The following ZNF280D variants were observed in gnomAD, a reference collection of about 807,000 sequenced individuals.
ZNF280D encodes the protein zinc finger protein 280D, also known as suppressor of hairy wing homolog 4.
In ZNF280D, 39 loss-of-function variants were observed where a neutral mutation model predicts 94.7. The observed-to-expected ratio is 0.41, with a 90% CI of 0.32 to 0.54. The LOEUF (loss-of-function observed/expected upper bound fraction) is 0.54. Ranked by LOEUF, ZNF280D falls within the 20% of genes least tolerant of loss-of-function variation. The pLI is 0.22. For synonymous variants in ZNF280D, 398 were observed against 377.6 expected (o/e 1.05, Z -0.63); for missense variants, 1,090 against 1,149.3 (o/e 0.95, Z 0.75).
intron 19 of ZNF280D, chr15:56,653,167 G>A: frequency 2.0e-6 from 2 of 1,022,262 alleles, no homozygotes; most frequent in Non-Finnish European, 2.3e-6. Context: ...AAGTAGCCAT[G>A]GTTTCCTAAC....
intron 19 of ZNF280D, among the ~76,000 whole-genome samples, chr15:56,648,128 TG>T (rs2140617350): frequency 6.6e-6 from 1 of 152,220 alleles, no homozygotes; most frequent in African/African-American, 2.4e-5. Context: ...TCCTCTCCTG[TG>T]AACCAGGCTC....
chr15:56,723,275 G>C (rs2058468559), intron 1 of ZNF280D, among the ~76,000 whole-genome samples: 1 of 151,964 alleles, frequency 6.6e-6, no homozygotes, highest in Non-Finnish European at 1.5e-5. Context: ...AAAATGTGGT[G>C]TATCAATACA....
intron 1 of ZNF280D, among the ~76,000 whole-genome samples, chr15:56,713,858 G>C (rs1234351887): frequency 2.0e-5 from 3 of 152,078 alleles, no homozygotes; most frequent in African/African-American, 2.4e-5. Flanking sequence ...GGAAATTACT[G>C]TAACAGGATT....
intron 13 of ZNF280D, among the ~76,000 whole-genome samples, chr15:56,670,917 A>G (rs141632235): frequency 6.6e-6 from 1 of 152,094 alleles, no homozygotes; most frequent in African/African-American, 2.4e-5. Flanking sequence ...TTTGATTTGC[A>G]TTCCCTAATG....
chr15:56,651,060 A>C (rs2053176200), intron 19 of ZNF280D, among the ~76,000 whole-genome samples: 1 of 152,206 alleles, frequency 6.6e-6, no homozygotes, highest in Non-Finnish European at 1.5e-5. Context: ...ATATAATGTA[A>C]GTTCCATAAG....
intron 1 of ZNF280D, among the ~76,000 whole-genome samples, chr15:56,726,668 C>G (rs2058644786): frequency 6.6e-6 from 1 of 152,138 alleles, no homozygotes; most frequent in Non-Finnish European, 1.5e-5. Context: ...AAGAATAATA[C>G]AACAGTGAAA....
intron 1 of ZNF280D, among the ~76,000 whole-genome samples, chr15:56,715,863 C>G (rs1035803546): frequency 1.3e-5 from 2 of 152,104 alleles, no homozygotes; most frequent in East Asian, 1.9e-4. Context: ...TTCAACCAAC[C>G]ATGGACTGAA....
At chr15:56,713,324 A>G (rs1300195009) in intron 1 of ZNF280D, among the ~76,000 whole-genome samples, 1 of 152,216 alleles carries the variant, frequency 6.6e-6, no homozygotes, top group African/African-American at 2.4e-5. Context: ...TTAGCTCAAG[A>G]TAATGTTCTA....
intron 1 of ZNF280D, among the ~76,000 whole-genome samples, chr15:56,728,808 C>T (rs886316569): frequency 7.2e-5 from 11 of 152,084 alleles, no homozygotes; most frequent in African/African-American, 2.7e-4. Context: ...CAGTACAGTA[C>T]TCAATAAATT....
At chr15:56,693,033 A>G (rs1007329743) in intron 7 of ZNF280D, 65 bp downstream of exon 7, 7 of 930,640 alleles carry the variant, frequency 7.5e-6, no homozygotes, top group African/African-American at 6.8e-5. Flanking sequence ...ACAGAAAGTC[A>G]ATCTCATATG....
chr15:56,654,800 G>C (rs756306968), intron 17 of ZNF280D: 20 of 484,416 alleles, frequency 4.1e-5, no homozygotes, highest in African/African-American at 3.7e-4. Context: ...CAACCAACTT[G>C]TGTAACTTAG....
chr15:56,686,484 C>A (rs1225624297), intron 9 of ZNF280D, among the ~76,000 whole-genome samples: 2 of 152,098 alleles, frequency 1.3e-5, no homozygotes, highest in African/African-American at 4.8e-5. Flanking sequence ...TCATAAACAA[C>A]AGCAACAACT....
chr15:56,710,407 C>T (rs1051561880), intron 1 of ZNF280D, among the ~76,000 whole-genome samples: 6 of 151,028 alleles, frequency 4.0e-5, no homozygotes, highest in Admixed American at 1.3e-4. Context: ...GACTCTGTCT[C>T]TCGAAAAAAT....
chr15:56,727,975 A>G (rs1253243839), intron 1 of ZNF280D, among the ~76,000 whole-genome samples: 2 of 152,206 alleles, frequency 1.3e-5, no homozygotes, highest in Non-Finnish European at 2.9e-5. Flanking sequence ...TGTTCTGCTC[A>G]AAGAAAATGT....
intron 1 of ZNF280D, among the ~76,000 whole-genome samples, chr15:56,719,939 CAT>C (rs2058258272): frequency 6.9e-6 from 1 of 144,876 alleles, no homozygotes; most frequent in Admixed American, 6.9e-5. Flanking sequence ...TTCAGTGAGT[CAT>C]AATCTTTTTG....
At chr15:56,661,115 G>T (rs757627013) in intron 16 of ZNF280D, among the ~76,000 whole-genome samples, 5 of 152,118 alleles carry the variant, frequency 3.3e-5, no homozygotes, top group Non-Finnish European at 7.4e-5. Flanking sequence ...GTTGCATGAA[G>T]GAAAGCTGCA....
chr15:56,692,846 G>A (rs1353656522), intron 7 of ZNF280D, among the ~76,000 whole-genome samples: 1 of 152,044 alleles, frequency 6.6e-6, no homozygotes, highest in Non-Finnish European at 1.5e-5. Flanking sequence ...TCTCAGCTAT[G>A]GTTAGCTCCA....
In ZNF280D at chr15:56,666,718, T is replaced by C. The variant is rs1303006421; in HGVS notation, c.1814A>G (p.Asn605Ser). The change falls in exon 15 of 22, where the codon AAT becomes AGT. Residue 605 changes from asparagine (N) to serine (S), a missense_variant. Coordinates refer to ENST00000267807, the MANE Select transcript of ZNF280D (RefSeq NM_017661.4). Reference protein sequence around the residue: ...QKKQSTLASSNKKSKVNTALR... With the variant: ...QKKQSTLASSSKKSKVNTALR... ...TGCTGTATTGACTTTACTTTTTTTATTGCTACTAGCCAATGTGCTTTGTTT... is the reference window on the plus strand; with the variant it reads ...TGCTGTATTGACTTTACTTTTTTTACTGCTACTAGCCAATGTGCTTTGTTT... The C allele has an allele frequency of 6.2e-7, 1 of 1,610,426 alleles. No homozygotes were observed. Among genetic ancestry groups the C allele is most frequent in the East Asian group, 2.2e-5 (1 of 44,796 alleles).
At chr15:56,671,792 T>G (rs1228949290) in intron 13 of ZNF280D, among the ~76,000 whole-genome samples, 3 of 152,198 alleles carry the variant, frequency 2.0e-5, no homozygotes, top group Admixed American at 6.5e-5. Context: ...TGATATTGAT[T>G]CTTCCTATCC....
Sources: allele counts gnomAD v4.1 joint callset (sites outside exome capture counted in the v4.1 genomes callset), GRCh38; gene constraint gnomAD v4.1.1; transcripts MANE v1.5; gene names NCBI Gene and HGNC (gene_info 2026-07-23, HGNC 2026-07-21).